Variants in CEACAM6 observed in about 807,000 individuals in gnomAD.
CEACAM6 encodes cell adhesion molecule CEACAM6.
In CEACAM6, 21 loss-of-function variants were observed where a neutral mutation model predicts 32.4. The ratio of observed to expected loss-of-function variants is 0.65; its 90% confidence interval spans 0.46 to 0.93. The LOEUF is 0.93. CEACAM6 is among the 40% of genes least tolerant of loss of function. The pLI is 0.00. For synonymous variants in CEACAM6, 184 were observed against 174.4 expected (o/e 1.06, Z -0.43); for missense variants, 406 against 432.2 (o/e 0.94, Z 0.54).
At chr19:41,769,488 T>A (rs73047371) in intron 5 of CEACAM6, among the ~76,000 whole-genome samples, 29,374 of 152,122 alleles carry the variant, frequency 0.19, 3,391 homozygotes, top group South Asian at 0.32. Context: ...GACTAAAAGA[T>A]AATAATGAAA....
intron 5 of CEACAM6, among the ~76,000 whole-genome samples, chr19:41,769,033 C>T (rs529080932): frequency 7.2e-5 from 11 of 152,126 alleles, no homozygotes; most frequent in Non-Finnish European, 1.6e-4. Context: ...GCAACCTCTG[C>T]CTCCTGGGTT....
In CEACAM6 at chr19:41,756,716, A is replaced by C. The variant is rs1555821117; in HGVS notation, c.181A>C (p.Asn61His). Residue 61 changes from asparagine to histidine, a missense_variant, in exon 2 of 6, where the codon AAT becomes CAT. Coordinates refer to ENST00000199764, the MANE Select transcript of CEACAM6 (RefSeq NM_002483.7). The part of the protein sequence containing the change: ...VLLLAHNLPQ[N>H]RIGYSWYKGE... ...TCTACTCGCCCACAACCTGCCCCAG[A>C]ATCGTATTGGTTACAGCTGGTACAA... 1 of 1,614,148 alleles carries C rather than the reference A, an allele frequency of 6.2e-7. No individual in the cohort carries two copies. Among genetic ancestry groups the C allele is most frequent in the South Asian group, 1.1e-5 (1 of 91,082 alleles).
In CEACAM6 at chr19:41,756,667, T is replaced by C. The variant is rs543906409; in HGVS notation, c.132T>C (p.Asn44=). 12 of 1,614,098 alleles carry C rather than the reference T, an allele frequency of 7.4e-6. No homozygotes were observed. Among genetic ancestry groups the C allele is most frequent in the East Asian group, 4.5e-5 (2 of 44,878 alleles). The change falls in exon 2 of 6, where the codon AAT becomes AAC. Residue 44 remains asparagine (N), a synonymous_variant. Coordinates refer to ENST00000199764, the MANE Select transcript of CEACAM6 (RefSeq NM_002483.7). ...TCACTATTGAATCCACGCCGTTCAATGTCGCAGAGGGGAAGGAGGTTCTTC... is the reference window on the plus strand; with the variant it reads ...TCACTATTGAATCCACGCCGTTCAACGTCGCAGAGGGGAAGGAGGTTCTTC... ...AKLTIESTPF[N]VAEGKEVLLL... is the part of the protein sequence containing the mutation.
Position 41,761,431 on chromosome 19 carries a change from C to T in CEACAM6, c.607C>T (p.Leu203Phe), listed in dbSNP as rs782614417. The T allele has an allele frequency of 1.2e-6, 2 of 1,614,222 alleles. No individual in the cohort carries two copies. Among genetic ancestry groups the T allele is most frequent in the East Asian group, 2.2e-5 (1 of 44,886 alleles). Residue 203 changes from leucine to phenylalanine, a missense_variant, in exon 3 of 6, where the codon CTC (leucine) becomes TTC (phenylalanine). Leu to Phe is a conservative substitution (Grantham distance 22). Transcript: ENST00000199764. ...CAATGGCAACATGACCCTCACTCTACTCAGCGTCAAAAGGAACGATGCAGG... is the reference window on the plus strand; with the variant it reads ...CAATGGCAACATGACCCTCACTCTATTCAGCGTCAAAAGGAACGATGCAGG... Reference protein sequence around the residue: ...LSNGNMTLTLLSVKRNDAGSY... With the variant: ...LSNGNMTLTLFSVKRNDAGSY...
rs781872846 is a variant in CEACAM6, at chr19:41,762,207, G to A, written c.942G>A (p.Thr314=). 9.9e-6 allele frequency: 16 copies of A among 1,613,766 alleles called. No individual in the cohort carries two copies. The highest frequency in any genetic ancestry group is 5.3e-5 in the African/African-American group (4 of 74,892). ...CTGGCCTCAATAGGACCACAGTCAC[G>A]ATGATCACAGTCTCTGGTAAGTGGA... is the stretch of plus-strand genomic sequence containing the variant. ...SATGLNRTTV[T]MITVSGSAPV... Residue 314 remains threonine (T), a synonymous_variant, in exon 4 of 6, where the codon ACG becomes ACA. Transcript: ENST00000199764.
intron 5 of CEACAM6, among the ~76,000 whole-genome samples, chr19:41,769,569 A>AT (rs1213983027): frequency 1.3e-5 from 2 of 151,860 alleles, no homozygotes; most frequent in African/African-American, 4.8e-5. Context: ...TTCAGGAAAC[A>AT]TTTTTTCTTT....
chr19:41,763,235 C>T (rs1270183417), intron 4 of CEACAM6, among the ~76,000 whole-genome samples: 2 of 152,168 alleles, frequency 1.3e-5, no homozygotes, highest in Non-Finnish European at 2.9e-5. Context: ...CAAAATGAAA[C>T]TCTGTTCCCA....
intron 4 of CEACAM6, 109 bp downstream of exon 4, chr19:41,762,332 C>T (rs963335840): frequency 8.0e-7 from 1 of 1,256,322 alleles, no homozygotes; most frequent in Non-Finnish European, 1.1e-6. Context: ...GGGGCACACG[C>T]AAATCCCAAA....
At chr19:41,757,517 C>T (rs1410610708) in intron 2 of CEACAM6, among the ~76,000 whole-genome samples, 1 of 152,128 alleles carries the variant, frequency 6.6e-6, no homozygotes, top group East Asian at 1.9e-4. Flanking sequence ...CACCCAGAGC[C>T]TCATCTAGCT....
intron 5 of CEACAM6, among the ~76,000 whole-genome samples, chr19:41,768,589 T>C (rs1249849918): frequency 1.3e-5 from 2 of 152,266 alleles, no homozygotes; most frequent in Non-Finnish European, 1.5e-5. Context: ...ATTGTCATCA[T>C]GGCCCGTTCT....
At chr19:41,756,500 A>C in intron 1 of CEACAM6, 100 bp from the exon 2 acceptor site, 1 of 1,441,208 alleles carries the variant, frequency 6.9e-7, no homozygotes, top group Non-Finnish European at 9.4e-7. Flanking sequence ...ACACGCTCCA[A>C]CGTGGAGGGG....
Position 41,766,225 on chromosome 19 carries a change from C to G in CEACAM6, c.1001C>G (p.Thr334Arg), listed in dbSNP as rs782196795. The G allele has an allele frequency of 2.5e-6, 4 of 1,606,684 alleles. No individual in the cohort carries two copies. In the African/African-American group the frequency reaches 4.0e-5, roughly 16 times the overall value. The change falls in exon 5 of 6, where the codon ACG becomes AGG. Residue 334 changes from threonine (T) to arginine (R), a missense_variant. Transcript: ENST00000199764. ...TCAGCTGTGGCCACCGTCGGCATCA[C>G]GATTGGAGTGCTGGCCAGGGTGGCT... ...VLSAVATVGITIGVLARVALI is the reference protein window; with the variant it reads ...VLSAVATVGIRIGVLARVALI
intron 5 of CEACAM6, among the ~76,000 whole-genome samples, chr19:41,769,003 T>C (rs1394703913): frequency 6.6e-6 from 1 of 151,696 alleles, no homozygotes; most frequent in Non-Finnish European, 1.5e-5. Context: ...TGAAGTGCAA[T>C]GGCGTGATTT....
intron 4 of CEACAM6, 42 bp from the exon 5 acceptor site, chr19:41,766,141 A>G (rs782628839): frequency 6.9e-6 from 10 of 1,449,714 alleles, no homozygotes; most frequent in African/African-American, 1.4e-5. Context: ...ACCCCACTGT[A>G]GAATAACATC....
chr19:41,766,870 G>C (rs1002738943), intron 5 of CEACAM6, among the ~76,000 whole-genome samples: 3 of 151,930 alleles, frequency 2.0e-5, no homozygotes, highest in Non-Finnish European at 4.4e-5. Flanking sequence ...TTCAGGCATG[G>C]TGGCGAGCAC....
At chr19:41,769,641 T>C (rs1447106676) in intron 5 of CEACAM6, among the ~76,000 whole-genome samples, 3 of 151,746 alleles carry the variant, frequency 2.0e-5, no homozygotes, top group Non-Finnish European at 4.4e-5. Context: ...ATTTTCTCCC[T>C]ACCTGACTGC....
rs111245877 is a variant in CEACAM6 at position 41,757,671 on chromosome 19, G to C, written c.424+712G>C. Reference sequence around the variant, plus strand: ...TCCCCAAGGGGAGGAACAGAGAAGAGAGGATGCTCCTGGCAGCTCCATGTC... The same window carrying C: ...TCCCCAAGGGGAGGAACAGAGAAGACAGGATGCTCCTGGCAGCTCCATGTC... On this transcript the variant is annotated intron_variant, in intron 2 of 5. Transcript: ENST00000199764. 3.0e-4 allele frequency among the ~76,000 whole-genome samples: 46 copies of C among 152,330 alleles called. 1 individual carries two copies. Among genetic ancestry groups the C allele is most frequent in the African/African-American group, 1.1e-3 (44 of 41,560 alleles).
intron 5 of CEACAM6, among the ~76,000 whole-genome samples, chr19:41,769,137 G>T (rs139155363): frequency 1.3e-5 from 2 of 151,986 alleles, no homozygotes; most frequent in Non-Finnish European, 2.9e-5. Flanking sequence ...TAGAGACGGG[G>T]TTTCTCCATG....
In CEACAM6 at chr19:41,762,300, T is replaced by A. The variant is rs563598776; in HGVS notation, c.958+77T>A. ...CTCAGAGAAGAGCCAGGAAGAAATTTTCTTTCCCAACCTGTGTCCAAGGGG... is the reference window on the plus strand; with the variant it reads ...CTCAGAGAAGAGCCAGGAAGAAATTATCTTTCCCAACCTGTGTCCAAGGGG... On this transcript the variant is annotated intron_variant, in intron 4 of 5. Coordinates refer to ENST00000199764, the MANE Select transcript of CEACAM6 (RefSeq NM_002483.7). 3.3e-5 allele frequency: 51 copies of A among 1,545,444 alleles called. 1 individual carries two copies. The African/African-American group carries it at 6.2e-4, about 19-fold the overall frequency.
Sources: gnomAD v4.1 joint callset for allele counts (sites outside exome capture counted in the v4.1 genomes callset) on GRCh38, gnomAD v4.1.1 for gene constraint, MANE v1.5 for transcripts, NCBI Gene and HGNC (gene_info 2026-07-23, HGNC 2026-07-21) for gene names.